The following RTN1 variants were observed in gnomAD, a reference collection of about 807,000 sequenced individuals.
RTN1 encodes reticulon 1, also known as reticulon-1.
A neutral mutation model predicts 65.5 loss-of-function variants in RTN1; 25 were observed. That is an observed-to-expected ratio of 0.38 (90% confidence interval 0.28 to 0.53). The LOEUF (loss-of-function observed/expected upper bound fraction) is 0.53, where lower values mean the gene tolerates loss of function less well. Ranked by LOEUF, RTN1 falls within the 20% of genes least tolerant of loss-of-function variation. RTN1 has a pLI of 0.79. For missense variants in RTN1, 983 were observed against 1,025.4 expected (o/e 0.96, Z 0.57); for synonymous variants, 471 against 447.6 (o/e 1.05, Z -0.66).
At position 59,745,980 on chromosome 14, in the gene RTN1, T is replaced by A; in HGVS notation, c.743A>T (p.Lys248Ile). ...EPDKPAPVEG[K>I]IIKDHLLEES... ...TTCCAATAAATGGTCCTTGATGATT[T>A]TTCCCTCCACAGGAGCTGGTTTGTC... The change falls in exon 2 of 9, where the codon AAA becomes ATA. Residue 248 changes from lysine (K) to isoleucine (I), a missense_variant. Around this residue, in one of 2 missense-constraint regions of RTN1, gnomAD observed 818 missense variants for 801.8 expected, o/e 1.02. Transcript: ENST00000267484. 1 of 1,614,152 alleles carries A rather than the reference T, an allele frequency of 6.2e-7. No individual in the cohort carries two copies. Among genetic ancestry groups the A allele is most frequent in the Non-Finnish European group, 8.5e-7 (1 of 1,180,018 alleles).
chr14:59,867,873 A>G (rs996408020), intron 1 of RTN1, among the ~76,000 whole-genome samples: 2 of 152,264 alleles, frequency 1.3e-5, no homozygotes, highest in Non-Finnish European at 2.9e-5. Context: ...GTGGGGACAC[A>G]GTGAAAAGAC....
chr14:59,687,061 G>A (rs1175585286), intron 3 of RTN1, among the ~76,000 whole-genome samples: 7 of 152,292 alleles, frequency 4.6e-5, no homozygotes, highest in African/African-American at 1.4e-4. Context: ...TTGCAGGCCC[G>A]GGGTGGGAGG....
At chr14:59,817,986 A>T (rs1028190651) in intron 1 of RTN1, among the ~76,000 whole-genome samples, 6 of 152,168 alleles carry the variant, frequency 3.9e-5, no homozygotes, top group African/African-American at 1.4e-4. Flanking sequence ...GGTAGTGAGC[A>T]TAGTACTTGA....
At chr14:59,696,878 T>C (rs957527405) in intron 3 of RTN1, among the ~76,000 whole-genome samples, 1 of 152,170 alleles carries the variant, frequency 6.6e-6, no homozygotes. Context: ...GCTTCCTAAC[T>C]GCTCTCATAG....
intron 1 of RTN1, among the ~76,000 whole-genome samples, chr14:59,812,214 C>T (rs954308193): frequency 6.6e-6 from 1 of 152,164 alleles, no homozygotes; most frequent in Non-Finnish European, 1.5e-5. Context: ...ATCACCACAC[C>T]ACCCTAAGCA....
At chr14:59,806,675 T>C (rs1886644888) in intron 1 of RTN1, among the ~76,000 whole-genome samples, 1 of 152,220 alleles carries the variant, frequency 6.6e-6, no homozygotes. Context: ...GTCCATGTGT[T>C]CTCATCATTT....
intron 3 of RTN1, among the ~76,000 whole-genome samples, chr14:59,720,767 A>G (rs1884631248): frequency 1.3e-5 from 2 of 151,834 alleles, no homozygotes; most frequent in African/African-American, 2.4e-5. Flanking sequence ...CGATGTCTCC[A>G]TCTAAGTATT....
At chr14:59,814,998 C>A (rs958915146) in intron 1 of RTN1, among the ~76,000 whole-genome samples, 3 of 152,198 alleles carry the variant, frequency 2.0e-5, no homozygotes, top group Non-Finnish European at 4.4e-5. Flanking sequence ...TTGTTCACAA[C>A]AGTGTGTTCA....
At chr14:59,661,051 G>T (rs1380863920) in intron 3 of RTN1, among the ~76,000 whole-genome samples, 1 of 151,482 alleles carries the variant, frequency 6.6e-6, no homozygotes, top group African/African-American at 2.4e-5. Context: ...AATGATAAAG[G>T]GTAGGTCACC....
intron 3 of RTN1, among the ~76,000 whole-genome samples, chr14:59,633,043 C>G (rs1168706667): frequency 6.6e-6 from 1 of 152,144 alleles, no homozygotes; most frequent in Non-Finnish European, 1.5e-5. Context: ...ATCGAGGCTG[C>G]AGTGAGTTGT....
intron 1 of RTN1, among the ~76,000 whole-genome samples, chr14:59,773,088 T>C (rs1885988603): frequency 6.6e-6 from 1 of 152,182 alleles, no homozygotes; most frequent in South Asian, 2.1e-4. Flanking sequence ...TATAAATTAA[T>C]ATAATGGCAA....
Position 59,870,279 on chromosome 14 carries a change from C to A in RTN1, c.241+111G>T. 1 of 1,127,674 alleles carries A rather than the reference C, an allele frequency of 8.9e-7. No homozygotes were observed. The highest frequency in any genetic ancestry group is 1.1e-6 in the Non-Finnish European group (1 of 873,374). The allele number at this position is 1,127,674 out of a possible 1,614,324, so 69.9% of individuals were successfully genotyped here. A position where few individuals can be genotyped will look rare whatever the true frequency, so the allele number is the denominator to read the frequency against. ...CGTGGCGACGCGGGGGTGGGGTCGGCGCTCAAGGCAGAAAGCGCGAGGCAG... is the reference window on the plus strand; with the variant it reads ...CGTGGCGACGCGGGGGTGGGGTCGGAGCTCAAGGCAGAAAGCGCGAGGCAG... On this transcript the variant is annotated intron_variant, in intron 1 of 8. Coordinates refer to ENST00000267484, the MANE Select transcript of RTN1 (RefSeq NM_021136.3). This position sits in a 1 kb window ranked among gnomAD's most constrained non-coding sequence, Gnocchi z 5.1.
chr14:59,769,537 C>T (rs943015333), intron 1 of RTN1, among the ~76,000 whole-genome samples: 3 of 152,172 alleles, frequency 2.0e-5, no homozygotes, highest in Non-Finnish European at 4.4e-5. Flanking sequence ...AACGCTGCTC[C>T]TTGTAAAACC....
intron 1 of RTN1, among the ~76,000 whole-genome samples, chr14:59,789,348 T>A (rs1252605260): frequency 1.3e-5 from 2 of 152,162 alleles, no homozygotes; most frequent in Non-Finnish European, 2.9e-5. Flanking sequence ...TATTTTTTAA[T>A]GTCAGTCCAT....
chr14:59,650,749 G>T (rs931935040), intron 3 of RTN1, among the ~76,000 whole-genome samples: 1 of 152,182 alleles, frequency 6.6e-6, no homozygotes, highest in African/African-American at 2.4e-5. Context: ...GCTCAAAGAA[G>T]TCAGAGATAA....
intron 2 of RTN1, among the ~76,000 whole-genome samples, chr14:59,728,847 A>T (rs78402039): frequency 2.0e-5 from 3 of 152,204 alleles, no homozygotes; most frequent in Admixed American, 6.5e-5. Context: ...TTTTCTACAC[A>T]CTTGGGATAT....
At chr14:59,634,304 T>A (rs2140187331) in intron 3 of RTN1, among the ~76,000 whole-genome samples, 1 of 152,296 alleles carries the variant, frequency 6.6e-6, no homozygotes, top group East Asian at 1.9e-4. Context: ...TTTTTCTTGT[T>A]CTGAGAAATA....
intron 1 of RTN1, among the ~76,000 whole-genome samples, chr14:59,809,277 G>A (rs531476683): frequency 6.6e-6 from 1 of 151,924 alleles, no homozygotes; most frequent in South Asian, 2.1e-4. Flanking sequence ...ATCTCTTTTT[G>A]CTAATAAAAG....
Position 59,727,266 on chromosome 14 carries a change from G to A in RTN1, c.1418C>T (p.Ala473Val). The A allele has an allele frequency of 1.3e-6, 2 of 1,513,678 alleles. No homozygotes were observed. The allele number at this position is 1,513,678 out of a possible 1,614,324, so 93.8% of individuals were successfully genotyped here. A position where few individuals can be genotyped will look rare whatever the true frequency, so the allele number is the denominator to read the frequency against. The change falls in exon 3 of 9, where the codon GCC becomes GTC. Residue 473 changes from alanine to valine, a missense_variant. Around this residue, in one of 2 missense-constraint regions of RTN1, gnomAD observed 818 missense variants for 801.8 expected, o/e 1.02. Coordinates refer to ENST00000267484, the MANE Select transcript of RTN1 (RefSeq NM_021136.3). The surrounding 1 kb of genome is among the most constrained non-coding windows in gnomAD (Gnocchi z 4.2). ...GGGGCTCTCCTCCGAGGCCGAGGAG[G>A]CGTCGCACGACTCGATGATGAGCTC... The part of the protein sequence containing the change: ...DSELIIESCD[A>V]SSASEESPKR...
Sources: allele counts gnomAD v4.1 joint callset (sites outside exome capture counted in the v4.1 genomes callset), GRCh38; gene constraint gnomAD v4.1.1; regional missense constraint gnomAD v4.1.1; non-coding constraint Gnocchi (gnomAD v3.1); transcripts MANE v1.5; gene names NCBI Gene and HGNC (gene_info 2026-07-23, HGNC 2026-07-21).